FGFR4: variants seen among roughly 807,000 people sequenced by gnomAD.
The protein encoded by FGFR4 is hydroxyaryl-protein kinase.
FGFR4 carries 63 observed loss-of-function variants against 89.9 expected under a neutral mutation model. The observed-to-expected ratio is 0.70, with a 90% CI of 0.57 to 0.86. The LOEUF is 0.86. Ranked by LOEUF, FGFR4 falls within the 40% of genes least tolerant of loss-of-function variation. FGFR4 has a pLI of 0.00. For missense variants in FGFR4, 928 were observed against 1,106.7 expected (o/e 0.84, Z 2.29); for synonymous variants, 486 against 479.4 (o/e 1.01, Z -0.18).
Position 177,093,736 on chromosome 5 carries a change from C to T in FGFR4, c.1480C>T (p.Pro494Ser), listed in dbSNP as rs1242974821. The change falls in exon 11 of 18, where the codon CCT becomes TCT. Residue 494 changes from proline to serine, a missense_variant. Transcript: ENST00000292408. This position sits in a 1 kb window ranked among gnomAD's most constrained non-coding sequence, Gnocchi z 5.8. ...GGCCTTTGGCATGGACCCTGCCCGG[C>T]CTGACCAAGCCAGCACTGTGGCCGT... is the stretch of plus-strand genomic sequence containing the variant. Reference protein sequence around the residue: ...AEAFGMDPARPDQASTVAVKM... With the variant: ...AEAFGMDPARSDQASTVAVKM... The T allele has an allele frequency of 1.2e-6, 2 of 1,613,842 alleles. No homozygotes were observed. Among genetic ancestry groups the T allele is most frequent in the Admixed American group, 1.7e-5 (1 of 60,020 alleles).
At position 177,090,741 on chromosome 5, in the gene FGFR4, G is replaced by A; in HGVS notation, c.356-4G>A. On this transcript the variant is annotated splice_polypyrimidine_tract_variant and splice_region_variant and intron_variant, in intron 3 of 17. Coordinates refer to ENST00000292408, the MANE Select transcript of FGFR4 (RefSeq NM_213647.3). ...TTAGATGCTTCCCTCTGTCCCTGAT[G>A]TAGACTCCTTGACCTCCAGCAACGA... 1.9e-6 allele frequency: 3 copies of A among 1,600,262 alleles called. No individual in the cohort carries two copies. The highest frequency in any genetic ancestry group is 2.6e-6 in the Non-Finnish European group (3 of 1,171,628).
chr5:177,095,244 C>A lies in FGFR4; in HGVS notation c.1520-86C>A. 1 of 1,103,844 alleles carries A rather than the reference C, an allele frequency of 9.1e-7. No homozygotes were observed. Among genetic ancestry groups the A allele is most frequent in the Non-Finnish European group, 1.4e-6 (1 of 720,040 alleles). 68.4% of individuals were successfully genotyped at this position (1,103,844 alleles called of 1,614,324 possible). On this transcript the variant is annotated intron_variant, in intron 11 of 17. Coordinates refer to ENST00000292408, the MANE Select transcript of FGFR4 (RefSeq NM_213647.3). The surrounding 1 kb of genome is among the most constrained non-coding windows in gnomAD (Gnocchi z 5.7). ...GCCCTAGACCTACGTAGCCCTGGTC[C>A]AGTGCTGCTTGTCCTGCACCTGCCT...
chr5:177,096,170 A>G lies in FGFR4; in HGVS notation c.1935A>G (p.Lys645=). 5 of 1,614,000 alleles carry G rather than the reference A, an allele frequency of 3.1e-6. No homozygotes were observed. The highest frequency in any genetic ancestry group is 4.2e-6 in the Non-Finnish European group (5 of 1,179,954). The change falls in exon 14 of 18, where the codon AAA becomes AAG. Residue 645 remains lysine (K), a synonymous_variant. Transcript: ENST00000292408. The part of the protein sequence containing the change: ...RGVHHIDYYK[K]TSNGRLPVKW... ...TCCACCACATTGACTACTATAAGAA[A>G]ACCAGCAACGTGAGGGAGATGGGGC...
chr5:177,089,729 G>T, intron 2 of FGFR4, 36 bp downstream of exon 2: 1 of 1,604,734 alleles, frequency 6.2e-7, no homozygotes. Flanking sequence ...TGGCAGGGGT[G>T]GGAAGAGTGG....
rs748304443 is a variant in FGFR4 at position 177,095,738 on chromosome 5, G to A, written c.1821+15G>A. ...AGTCCCGGAAGGTACAGGCGCTAGGGCTCTGAGCCCCTCTCAGTCTCTCCA... is the reference window on the plus strand; with the variant it reads ...AGTCCCGGAAGGTACAGGCGCTAGGACTCTGAGCCCCTCTCAGTCTCTCCA... On this transcript the variant is annotated intron_variant, in intron 13 of 17. Transcript: ENST00000292408. The surrounding 1 kb of genome is among the most constrained non-coding windows in gnomAD (Gnocchi z 5.7). The A allele has an allele frequency of 2.6e-6, 4 of 1,568,576 alleles. No homozygotes were observed. The highest frequency in any genetic ancestry group is 2.4e-4 in the Middle Eastern group (1 of 4,246).
chr5:177,090,694 A>T (rs1241142249), intron 3 of FGFR4, 41 bp downstream of exon 3: 1 of 1,544,148 alleles, frequency 6.5e-7, no homozygotes, highest in East Asian at 2.3e-5. Context: ...GCCTGGGGAG[A>T]CAGACCTGCC....
rs1419539393 is a variant in FGFR4 at position 177,091,674 on chromosome 5, T to C, written c.604-11T>C. On this transcript the variant is annotated splice_polypyrimidine_tract_variant and intron_variant, in intron 5 of 17. Coordinates refer to ENST00000292408, the MANE Select transcript of FGFR4 (RefSeq NM_213647.3). ...TGGTCCGGTGGTCCCGGACACTCTC[T>C]CTGCCTGCAGCTGCGCCATCAGCAC... 6.2e-7 allele frequency: 1 copy of C among 1,613,920 alleles called. No homozygotes were observed. Among genetic ancestry groups the C allele is most frequent in the East Asian group, 2.2e-5 (1 of 44,864 alleles).
At chr5:177,091,230 C>G in intron 5 of FGFR4, 126 bp downstream of exon 5, 1 of 1,233,808 alleles carries the variant, frequency 8.1e-7, no homozygotes, top group Non-Finnish European at 1.1e-6. Context: ...CCGGAAGGAG[C>G]CCTGGACTGT....
chr5:177,090,891 T>C (rs2149731538), intron 4 of FGFR4, 47 bp from the exon 5 acceptor site: 2 of 1,614,112 alleles, frequency 1.2e-6, no homozygotes, highest in Non-Finnish European at 1.7e-6. Flanking sequence ...AGAGGAGGCC[T>C]GTGTGGGAAC....
Position 177,095,320 on chromosome 5 carries a change from G to T in FGFR4, c.1520-10G>T. On this transcript the variant is annotated splice_polypyrimidine_tract_variant and intron_variant, in intron 11 of 17. Coordinates refer to ENST00000292408, the MANE Select transcript of FGFR4 (RefSeq NM_213647.3). The surrounding 1 kb of genome is among the most constrained non-coding windows in gnomAD (Gnocchi z 5.7). ...GGGCAGCCTCTTCACCCCGTCTGCTGCCCTTACAGACAACGCCTCTGACAA... is the reference window on the plus strand; with the variant it reads ...GGGCAGCCTCTTCACCCCGTCTGCTTCCCTTACAGACAACGCCTCTGACAA... 1.2e-6 allele frequency: 2 copies of T among 1,612,904 alleles called. No individual in the cohort carries two copies. Among genetic ancestry groups the T allele is most frequent in the Non-Finnish European group, 1.7e-6 (2 of 1,178,926 alleles).
rs1784442287 is a variant in FGFR4 at position 177,093,471 on chromosome 5, C to G, written c.1317C>G (p.Ser439=). ...SSSLVRGVRL[S]SSGPALLAGL... ...CCCTGGTACGAGGCGTGCGTCTCTC[C>G]TCCAGCGGCCCCGCCTTGCTCGCCG... is the stretch of plus-strand genomic sequence containing the variant. The change falls in exon 10 of 18, where the codon TCC becomes TCG. Residue 439 remains serine (S), a synonymous_variant. Transcript: ENST00000292408. The surrounding 1 kb of genome is among the most constrained non-coding windows in gnomAD (Gnocchi z 5.8). 9.9e-6 allele frequency: 16 copies of G among 1,614,028 alleles called. No individual in the cohort carries two copies. The highest frequency in any genetic ancestry group is 1.0e-5 in the Non-Finnish European group (12 of 1,180,006).
Position 177,091,713 on chromosome 5 carries a change from TG to T in FGFR4, c.634del (p.Glu212ArgfsTer15), listed in dbSNP as rs1307412060. On this transcript the variant is annotated frameshift_variant, in exon 6 of 18. Coordinates refer to ENST00000292408, the MANE Select transcript of FGFR4 (RefSeq NM_213647.3). LOFTEE classifies it high-confidence loss of function. ...CGCCATCAGCACTGGAGTCTCGTGA[TG>T]GAGAGCGTGGTGCCCTCGGACCGCG... ...RLRHQHWSLV[M>X]ESVVPSDRGT... 2 of 1,614,100 alleles carry T rather than the reference TG, an allele frequency of 1.2e-6. No homozygotes were observed. The highest frequency in any genetic ancestry group is 1.7e-6 in the Non-Finnish European group (2 of 1,180,042).
intron 2 of FGFR4, 198 bp downstream of exon 2, chr5:177,089,891 G>C: frequency 1.2e-6 from 1 of 800,950 alleles, no homozygotes; most frequent in South Asian, 1.5e-5. Context: ...CTGCGAGAGA[G>C]GACTGGCCTT....
At position 177,096,679 on chromosome 5, in the gene FGFR4, G is replaced by A. The variant is rs1471083694; in HGVS notation, c.2091G>A (p.Glu697=). 10 of 1,609,480 alleles carry A rather than the reference G, an allele frequency of 6.2e-6. No homozygotes were observed. The East Asian group carries it at 1.8e-4, about 29-fold the overall frequency. The change falls in exon 16 of 18, where the codon GAG becomes GAA. Residue 697 remains glutamate (E), a synonymous_variant. Transcript: ENST00000292408. ...CGTATCCTGGCATCCCGGTGGAGGA[G>A]CTGTTCTCGCTGCTGCGGGAGGGAC... is the stretch of plus-strand genomic sequence containing the variant. ...GSPYPGIPVE[E]LFSLLREGHR...
chr5:177,091,619 C>T, intron 5 of FGFR4, 66 bp from the exon 6 acceptor site: 4 of 1,595,206 alleles, frequency 2.5e-6, no homozygotes, highest in East Asian at 2.2e-5. Flanking sequence ...AGGATCTAGC[C>T]TCCTGGTCCT....
At position 177,093,824 on chromosome 5, in the gene FGFR4, A is replaced by T. The variant is rs748874813; in HGVS notation, c.1519+49A>T. The T allele has an allele frequency of 4.1e-5, 64 of 1,574,182 alleles. No homozygotes were observed. Among genetic ancestry groups the T allele is most frequent in the Non-Finnish European group, 5.5e-5 (63 of 1,154,098 alleles). On this transcript the variant is annotated intron_variant, in intron 11 of 17. Transcript: ENST00000292408. This position sits in a 1 kb window ranked among gnomAD's most constrained non-coding sequence, Gnocchi z 5.8. ...CTCACACCTGTAACGCCAGCACTTT[A>T]GGAGGCTGAGGGTGGGAGGATCGCT...
At position 177,089,631 on chromosome 5, in the gene FGFR4, T is replaced by G. The variant is rs1400416973; in HGVS notation, c.29T>G (p.Val10Gly). 6 of 1,613,752 alleles carry G rather than the reference T, an allele frequency of 3.7e-6. No homozygotes were observed. Among genetic ancestry groups the G allele is most frequent in the Non-Finnish European group, 4.2e-6 (5 of 1,179,916 alleles). The change falls in exon 2 of 18, where the codon GTC becomes GGC. Residue 10 changes from valine (V) to glycine (G), a missense_variant. By Grantham distance (109) the Val-to-Gly change is moderately radical. Transcript: ENST00000292408. MRLLLALLGVLLSVPGPPVL... is the reference protein window; with the variant it reads MRLLLALLGGLLSVPGPPVL... ...CGGCTGCTGCTGGCCCTGTTGGGGG[T>G]CCTGCTGAGTGTGCCTGGGCCTCCA...
intron 17 of FGFR4, 21 bp downstream of exon 17, chr5:177,097,418 C>T (rs373653542): frequency 1.1e-5 from 17 of 1,608,236 alleles, no homozygotes; most frequent in Non-Finnish European, 1.4e-5. Flanking sequence ...TCCCACCCAC[C>T]ACCTCCCTCT....
chr5:177,097,231 G>A (rs562347108), intron 16 of FGFR4, 61 bp from the exon 17 acceptor site: 70 of 1,399,622 alleles, frequency 5.0e-5, no homozygotes, highest in Non-Finnish European at 3.9e-5. Flanking sequence ...AGAACCCCCG[G>A]TCCTCCCCTT....
Sources: gnomAD v4.1 joint callset for allele counts on GRCh38, gnomAD v4.1.1 for gene constraint, Gnocchi (gnomAD v3.1) non-coding constraint, MANE v1.5 for transcripts, NCBI Gene and HGNC (gene_info 2026-07-23, HGNC 2026-07-21) for gene names.